CDKAL1: variants seen among roughly 807,000 people sequenced by gnomAD.
CDKAL1 encodes threonylcarbamoyladenosine tRNA methylthiotransferase.
Under a neutral mutation model 68.2 loss-of-function variants are expected in CDKAL1, and 32 were observed. That is an observed-to-expected ratio of 0.47 (90% CI 0.35 to 0.63). CDKAL1 has a LOEUF of 0.63. CDKAL1 is among the 30% of genes least tolerant of loss of function. CDKAL1 has a pLI of 0.00. For missense variants in CDKAL1, 606 were observed against 696.7 expected, an observed-to-expected ratio of 0.87 and a Z score of 1.47; for synonymous variants, 234 against 244.3, an observed-to-expected ratio of 0.96 and a Z score of 0.39.
chr6:20,996,189 A>G (rs1332818259), intron 10 of CDKAL1, among the ~76,000 whole-genome samples: 2 of 152,240 alleles, frequency 1.3e-5, no homozygotes, highest in Non-Finnish European at 2.9e-5. Context: ...TGGTTTGATC[A>G]TCTATCCAGA....
At chr6:21,164,129 A>G (rs1379375154) in intron 13 of CDKAL1, among the ~76,000 whole-genome samples, 4 of 151,980 alleles carry the variant, frequency 2.6e-5, no homozygotes, top group African/African-American at 9.7e-5. Context: ...CAGAAGAGAT[A>G]AGAAAAACAA....
In CDKAL1 at chr6:20,805,844, G is replaced by A. The variant is rs572948049; in HGVS notation, c.638+24579G>A. On this transcript the variant is annotated intron_variant, in intron 8 of 15. Coordinates refer to ENST00000274695, the MANE Select transcript of CDKAL1 (RefSeq NM_017774.3). ...TATTAAATCATGTTTGATTGCAGCC[G>A]CTGAAGAAGTATGTGCACTGAAAAT... 2.6e-4 allele frequency among the ~76,000 whole-genome samples: 39 copies of A among 152,300 alleles called. No homozygotes were observed. The South Asian group carries it at 5.2e-3, about 20-fold the overall frequency.
intron 9 of CDKAL1, among the ~76,000 whole-genome samples, chr6:20,905,264 C>T (rs1358629189): frequency 6.6e-6 from 1 of 151,844 alleles, no homozygotes; most frequent in Non-Finnish European, 1.5e-5. Flanking sequence ...ATCAAGAAGC[C>T]GAAAATAAAT....
At chr6:20,846,335 C>A (rs536494923) in intron 9 of CDKAL1, among the ~76,000 whole-genome samples, 157 bp downstream of exon 9, 8 of 152,244 alleles carry the variant, frequency 5.3e-5, no homozygotes, top group Admixed American at 5.2e-4. Context: ...CAGAGTTAAT[C>A]ACTTAGTTTA....
intron 4 of CDKAL1, among the ~76,000 whole-genome samples, chr6:20,555,931 G>A (rs752328372): frequency 1.4e-4 from 22 of 152,118 alleles, no homozygotes; most frequent in Non-Finnish European, 2.6e-4. Context: ...CCCAGCCAGA[G>A]TTTTAAAATA....
At chr6:21,184,005 C>T (rs1274297654) in intron 13 of CDKAL1, among the ~76,000 whole-genome samples, 1 of 152,078 alleles carries the variant, frequency 6.6e-6, no homozygotes, top group African/African-American at 2.4e-5. Context: ...CCTCATTATG[C>T]TCTCCTCTGT....
intron 13 of CDKAL1, among the ~76,000 whole-genome samples, chr6:21,185,252 A>G (rs960790313): frequency 1.3e-5 from 2 of 151,776 alleles, no homozygotes; most frequent in South Asian, 2.1e-4. Flanking sequence ...CCCTCATACT[A>G]AATTTCTTTT....
At chr6:20,805,282 C>T (rs1421341401) in intron 8 of CDKAL1, among the ~76,000 whole-genome samples, 5 of 152,116 alleles carry the variant, frequency 3.3e-5, no homozygotes, top group African/African-American at 7.2e-5. Flanking sequence ...TCTGTGAGTT[C>T]TTCTAATGAG....
intron 9 of CDKAL1, among the ~76,000 whole-genome samples, chr6:20,889,876 G>C: frequency 6.6e-6 from 1 of 152,112 alleles, no homozygotes; most frequent in Non-Finnish European, 1.5e-5. Context: ...CTTTAAAGTA[G>C]TTTTTTCCAA....
At chr6:20,626,084 T>C (rs1162799262) in intron 4 of CDKAL1, among the ~76,000 whole-genome samples, 1 of 152,168 alleles carries the variant, frequency 6.6e-6, no homozygotes, top group Non-Finnish European at 1.5e-5. Context: ...TTTGTAATTA[T>C]TTTACTTCTA....
At chr6:20,877,125 C>T (rs1760559788) in intron 9 of CDKAL1, among the ~76,000 whole-genome samples, 1 of 152,154 alleles carries the variant, frequency 6.6e-6, no homozygotes, top group African/African-American at 2.4e-5. Flanking sequence ...AATCAATAAG[C>T]ATTTACATTG....
chr6:20,898,083 A>C (rs886841994), intron 9 of CDKAL1, among the ~76,000 whole-genome samples: 1 of 152,054 alleles, frequency 6.6e-6, no homozygotes, highest in African/African-American at 2.4e-5. Context: ...GTGTGGAAGG[A>C]TGGCCCAGCT....
chr6:21,133,776 G>A (rs1030444254), intron 13 of CDKAL1, among the ~76,000 whole-genome samples: 1 of 152,128 alleles, frequency 6.6e-6, no homozygotes, highest in African/African-American at 2.4e-5. Context: ...CATTAATGCT[G>A]TTTTTACTTG....
intron 8 of CDKAL1, among the ~76,000 whole-genome samples, chr6:20,837,003 TA>T (rs1371492731): frequency 2.0e-5 from 3 of 152,208 alleles, no homozygotes; most frequent in Non-Finnish European, 2.9e-5. Context: ...CGTTAGGTAG[TA>T]ATCTCCAAGT....
At chr6:20,896,800 C>G (rs1361055846) in intron 9 of CDKAL1, among the ~76,000 whole-genome samples, 2 of 152,058 alleles carry the variant, frequency 1.3e-5, no homozygotes, top group African/African-American at 2.4e-5. Context: ...GATGAAAGCT[C>G]CCTCCCTCCC....
chr6:21,212,428 G>A (rs1047943397), intron 15 of CDKAL1, among the ~76,000 whole-genome samples: 3 of 152,154 alleles, frequency 2.0e-5, no homozygotes, highest in African/African-American at 7.2e-5. Flanking sequence ...TAAACTGATA[G>A]TAATCTTGCA....
chr6:20,558,483 G>T (rs938234279), intron 4 of CDKAL1: 4 of 456,118 alleles, frequency 8.8e-6, no homozygotes, highest in Non-Finnish European at 1.8e-5. Flanking sequence ...AACAACTGGG[G>T]TTGAAACAGT....
At chr6:20,712,581 A>G (rs1486083815) in intron 5 of CDKAL1, among the ~76,000 whole-genome samples, 3 of 152,182 alleles carry the variant, frequency 2.0e-5, no homozygotes, top group Non-Finnish European at 2.9e-5. Context: ...ATCAGAGGTA[A>G]GCACCATTAT....
At chr6:20,687,779 G>A (rs1370604250) in intron 5 of CDKAL1, among the ~76,000 whole-genome samples, 1 of 152,074 alleles carries the variant, frequency 6.6e-6, no homozygotes, top group Non-Finnish European at 1.5e-5. Flanking sequence ...GTCTGCCTCT[G>A]CCTACCATAG....
Sources: gnomAD v4.1 joint callset for allele counts (sites outside exome capture counted in the v4.1 genomes callset) on GRCh38, gnomAD v4.1.1 for gene constraint, MANE v1.5 for transcripts, NCBI Gene and HGNC (gene_info 2026-07-23, HGNC 2026-07-21) for gene names.